The following CELF6 variants were observed in gnomAD, a reference collection of about 807,000 sequenced individuals.
CELF6 encodes Bruno -like 6, RNA binding protein.
In CELF6, 32 loss-of-function variants were observed where a neutral mutation model predicts 53.1. The ratio of observed to expected loss-of-function variants is 0.60; its 90% CI spans 0.46 to 0.81. The LOEUF is 0.81. CELF6 is among the 30% of genes least tolerant of loss of function. The pLI, the probability that CELF6 is intolerant of heterozygous loss-of-function variation, is 0.00. For missense variants in CELF6, 539 were observed against 669.5 expected, an observed-to-expected ratio of 0.81 and a Z score of 2.15; for synonymous variants, 291 against 288.8, an observed-to-expected ratio of 1.01 and a Z score of -0.08.
rs151178836 is a variant in CELF6 at position 72,308,376 on chromosome 15, C to T, written c.346-3582G>A. The stretch of plus-strand genomic sequence containing the variant: ...CCGAGTAGCTGGGATTACAGGCATG[C>T]GCCACCATGCCCGGCTAATTTTGTA... On this transcript the variant is annotated intron_variant, in intron 2 of 12. Coordinates refer to ENST00000287202, the MANE Select transcript of CELF6 (RefSeq NM_052840.5). 6.6e-5 allele frequency among the ~76,000 whole-genome samples: 10 copies of T among 152,054 alleles called. No homozygotes were observed. In the East Asian group the frequency reaches 1.9e-3, roughly 30 times the overall value.
At position 72,289,009 on chromosome 15, in the gene CELF6, A is replaced by G. The variant is rs1202191356; in HGVS notation, c.1031-79T>C. ...GGGTGAGAAGCTCAGGGAGTGTGGG[A>G]GGTGGACGGCGGCTGTGAGAGACAG... On this transcript the variant is annotated intron_variant, in intron 8 of 12. Coordinates refer to ENST00000287202, the MANE Select transcript of CELF6 (RefSeq NM_052840.5). This position sits in a 1 kb window ranked among gnomAD's most constrained non-coding sequence, Gnocchi z 7.6. 4 of 1,383,582 alleles carry G rather than the reference A, an allele frequency of 2.9e-6. No individual in the cohort carries two copies. Among genetic ancestry groups the G allele is most frequent in the Non-Finnish European group, 4.0e-6 (4 of 1,008,984 alleles). The allele number at this position is 1,383,582 out of a possible 1,614,324, so 85.7% of individuals were successfully genotyped here.
rs532591765 is a variant in CELF6 at position 72,291,427 on chromosome 15, G to A, written c.395-1172C>T. Among the ~76,000 whole-genome samples the A allele has an allele frequency of 2.0e-5, 3 of 152,244 alleles. No homozygotes were observed. The South Asian group carries it at 6.2e-4, about 32-fold the overall frequency. ...AATACAAGTTGGGAGAGAAGGAGTG[G>A]GTAGGAAACTGGTTTCAGGCTTCAT... On this transcript the variant is annotated intron_variant, in intron 3 of 12. Coordinates refer to ENST00000287202, the MANE Select transcript of CELF6 (RefSeq NM_052840.5).
intron 2 of CELF6, among the ~76,000 whole-genome samples, chr15:72,305,629 G>A (rs1046263533): frequency 1.5e-4 from 23 of 152,092 alleles, no homozygotes; most frequent in African/African-American, 5.3e-4. Flanking sequence ...GTTTTCCAAG[G>A]TGCCGTTCTC....
intron 3 of CELF6, among the ~76,000 whole-genome samples, chr15:72,304,002 C>G (rs1460396643): frequency 6.6e-6 from 1 of 152,080 alleles, no homozygotes; most frequent in Non-Finnish European, 1.5e-5. Context: ...CTCCGAGTAG[C>G]TGGGATTACA....
At chr15:72,304,160 C>T (rs544573397) in intron 3 of CELF6, among the ~76,000 whole-genome samples, 43 of 152,186 alleles carry the variant, frequency 2.8e-4, no homozygotes, top group African/African-American at 9.4e-4. Flanking sequence ...TATGAGCCAC[C>T]GTGCTCAGCC....
intron 2 of CELF6, among the ~76,000 whole-genome samples, chr15:72,308,454 C>A (rs545121182): frequency 6.6e-6 from 1 of 151,816 alleles, no homozygotes; most frequent in African/African-American, 2.4e-5. Context: ...CTTGAACTCC[C>A]GACCTCAGGT....
At chr15:72,292,319 G>GC in intron 3 of CELF6, 1 of 1,295,470 alleles carries the variant, frequency 7.7e-7, no homozygotes, top group Middle Eastern at 1.9e-4. Context: ...TGATGGCTTT[G>GC]CCTTGACATT....
At position 72,289,565 on chromosome 15, in the gene CELF6, T is replaced by G; in HGVS notation, c.748-58A>C. The G allele has an allele frequency of 6.8e-7, 1 of 1,480,612 alleles. No homozygotes were observed. Among genetic ancestry groups the G allele is most frequent in the Non-Finnish European group, 8.9e-7 (1 of 1,121,158 alleles). 91.7% of individuals were successfully genotyped at this position (1,480,612 alleles called of 1,614,324 possible). A position where few individuals can be genotyped will look rare whatever the true frequency, so the allele number is the denominator to read the frequency against. Reference sequence around the variant, plus strand: ...CCAAGGGGCAGGCAGCTGCCCGTGCTCTCAGCCCCAGGCCTGGCCCACCCA... The same window carrying G: ...CCAAGGGGCAGGCAGCTGCCCGTGCGCTCAGCCCCAGGCCTGGCCCACCCA... On this transcript the variant is annotated intron_variant, in intron 6 of 12. Transcript: ENST00000287202. This position sits in a 1 kb window ranked among gnomAD's most constrained non-coding sequence, Gnocchi z 7.6.
At position 72,288,790 on chromosome 15, in the gene CELF6, C is replaced by G; in HGVS notation, c.1093+78G>C. ...GGAGGATCAACTCCTTGGAACAGAG[C>G]CTAAATCCCCCACAACTCTCCCTAT... is the stretch of plus-strand genomic sequence containing the variant. On this transcript the variant is annotated intron_variant, in intron 9 of 12. Coordinates refer to ENST00000287202, the MANE Select transcript of CELF6 (RefSeq NM_052840.5). The surrounding 1 kb of genome is among the most constrained non-coding windows in gnomAD (Gnocchi z 4.6). The G allele has an allele frequency of 4.2e-6, 6 of 1,427,028 alleles. No homozygotes were observed. Among genetic ancestry groups the G allele is most frequent in the Non-Finnish European group, 5.8e-6 (6 of 1,033,866 alleles). The allele number at this position is 1,427,028 out of a possible 1,614,324, so 88.4% of individuals were successfully genotyped here. A position where few individuals can be genotyped will look rare whatever the true frequency, so the allele number is the denominator to read the frequency against.
At chr15:72,313,370 G>A (rs1429115049) in intron 2 of CELF6, among the ~76,000 whole-genome samples, 1 of 152,216 alleles carries the variant, frequency 6.6e-6, no homozygotes, top group Non-Finnish European at 1.5e-5. Context: ...GCCAAGGTGG[G>A]TGGATCACTT....
chr15:72,306,229 G>A, intron 2 of CELF6: 1 of 984,570 alleles, frequency 1.0e-6, no homozygotes, highest in Non-Finnish European at 1.2e-6. Context: ...TGCGTGGGAG[G>A]TGAGGAATTA....
At chr15:72,306,346 A>AC in intron 2 of CELF6, 1 of 963,230 alleles carries the variant, frequency 1.0e-6, no homozygotes, top group Non-Finnish European at 1.2e-6. Context: ...TGATGATCTG[A>AC]CCCCCTCCCC....
intron 3 of CELF6, among the ~76,000 whole-genome samples, chr15:72,297,073 T>G (rs995858171): frequency 6.6e-6 from 1 of 152,222 alleles, no homozygotes; most frequent in Non-Finnish European, 1.5e-5. Context: ...TATGTAGACA[T>G]TGTGAAATGA....
chr15:72,310,954 T>G (rs1197482401), intron 2 of CELF6, among the ~76,000 whole-genome samples: 1 of 152,184 alleles, frequency 6.6e-6, no homozygotes, highest in Admixed American at 6.5e-5. Context: ...TCTCTACTCA[T>G]GTGGAGCCTT....
Position 72,319,180 on chromosome 15 carries a change from C to G in CELF6, c.262+433G>C, listed in dbSNP as rs2088397212. 6.6e-6 allele frequency among the ~76,000 whole-genome samples: 1 copy of G among 151,988 alleles called. No individual in the cohort carries two copies. The highest frequency in any genetic ancestry group is 2.1e-4 in the South Asian group (1 of 4,812). ...AGGAGGGGTGCAAGTCCAAGATATG[C>G]ATGTGGGTGGTTAGGCCTGAGTGAG... On this transcript the variant is annotated intron_variant, in intron 1 of 12. Coordinates refer to ENST00000287202, the MANE Select transcript of CELF6 (RefSeq NM_052840.5). The surrounding 1 kb of genome is among the most constrained non-coding windows in gnomAD (Gnocchi z 5.0).
In CELF6 at chr15:72,288,604, C is replaced by A; in HGVS notation, c.1108G>T (p.Ala370Ser). Reference sequence around the variant, plus strand: ...AAAGCTGTGCTCACTGGGGCATAGGCCGACGGATAGGCTGCTGGAGACAGA... The same window carrying A: ...AAAGCTGTGCTCACTGGGGCATAGGACGACGGATAGGCTGCTGGAGACAGA... ...MHHYAAAYPS[A>S]YAPVSTAFPQ... The change falls in exon 10 of 13, where the codon GCC becomes TCC. Residue 370 changes from alanine to serine, a missense_variant. Coordinates refer to ENST00000287202, the MANE Select transcript of CELF6 (RefSeq NM_052840.5). This position sits in a 1 kb window ranked among gnomAD's most constrained non-coding sequence, Gnocchi z 4.6. 1 of 1,564,924 alleles carries A rather than the reference C, an allele frequency of 6.4e-7. No individual in the cohort carries two copies. The highest frequency in any genetic ancestry group is 1.7e-4 in the Middle Eastern group (1 of 5,772).
intron 2 of CELF6, among the ~76,000 whole-genome samples, chr15:72,305,592 AGGGTC>A (rs769071394): frequency 6.6e-6 from 1 of 152,048 alleles, no homozygotes; most frequent in Non-Finnish European, 1.5e-5. Context: ...TCCCCTCCCT[AGGGTC>A]CCCTTCCCTG....
At chr15:72,308,376 C>A (rs151178836) in intron 2 of CELF6, among the ~76,000 whole-genome samples, 1 of 151,936 alleles carries the variant, frequency 6.6e-6, no homozygotes, top group African/African-American at 2.4e-5. Flanking sequence ...TACAGGCATG[C>A]GCCACCATGC....
rs949351775 is a variant in CELF6 at position 72,319,139 on chromosome 15, C to T, written c.262+474G>A. On this transcript the variant is annotated intron_variant, in intron 1 of 12. Transcript: ENST00000287202. This position sits in a 1 kb window ranked among gnomAD's most constrained non-coding sequence, Gnocchi z 5.0. ...AAAGAAGGCTCTTGAGGGGGATGGC[C>T]GGACTAGGAGGCCAGAGGAGGGGTG... Among the ~76,000 whole-genome samples, 2 of 151,874 alleles carry T rather than the reference C, an allele frequency of 1.3e-5. No individual in the cohort carries two copies. Among genetic ancestry groups the T allele is most frequent in the African/African-American group, 2.4e-5 (1 of 41,318 alleles).
Sources: allele counts gnomAD v4.1 joint callset (sites outside exome capture counted in the v4.1 genomes callset), GRCh38; gene constraint gnomAD v4.1.1; non-coding constraint Gnocchi (gnomAD v3.1); transcripts MANE v1.5; gene names NCBI Gene and HGNC (gene_info 2026-07-23, HGNC 2026-07-21).